The following RERGL variants were observed in gnomAD, a reference collection of about 807,000 sequenced individuals.
RERGL encodes RERG like, also known as ras-related and estrogen-regulated growth inhibitor-like protein.
In RERGL, 22 loss-of-function variants were observed where a neutral mutation model predicts 24.7. The ratio of observed to expected loss-of-function variants is 0.89; its 90% CI spans 0.64 to 1.27. The LOEUF (loss-of-function observed/expected upper bound fraction) is 1.27, where lower values mean the gene tolerates loss of function less well. Among genes scored for constraint, RERGL ranks in the 50% most tolerant of loss-of-function variants. The pLI is 0.00. For missense variants in RERGL, 259 were observed against 235.3 expected (o/e 1.10, Z -0.66); for synonymous variants, 76 against 82.6 (o/e 0.92, Z 0.43).
chr12:18,089,230 T>C (rs1177578799), intron 1 of RERGL: 1 of 1,607,572 alleles, frequency 6.2e-7, no homozygotes, highest in Non-Finnish European at 8.5e-7. Context: ...GCCACTTACC[T>C]TTTGTAACAG....
intron 1 of RERGL, among the ~76,000 whole-genome samples, chr12:18,089,549 AC>A (rs1459396643): frequency 3.3e-5 from 5 of 152,152 alleles, no homozygotes; most frequent in Non-Finnish European, 7.4e-5. Context: ...ACACAGCAAA[AC>A]AAAAGCATGA....
At chr12:18,086,567 A>T (rs1157315730) in intron 2 of RERGL, among the ~76,000 whole-genome samples, 1 of 152,144 alleles carries the variant, frequency 6.6e-6, no homozygotes, top group Non-Finnish European at 1.5e-5. Flanking sequence ...TCAAGGCAAC[A>T]CTGTCTCCAG....
rs762163321 is a variant in RERGL at position 18,084,569 on chromosome 12, C to T, written c.280G>A (p.Ala94Thr). The T allele has an allele frequency of 6.2e-7, 1 of 1,612,190 alleles. No homozygotes were observed. The highest frequency in any genetic ancestry group is 1.7e-5 in the Admixed American group (1 of 59,688). The change falls in exon 4 of 5, where the codon GCA (alanine) becomes ACA (threonine). Residue 94 changes from alanine to threonine, a missense_variant. Transcript: ENST00000538724. ...CGGATTCTGTAGATCAGCGCTTTTGCAAAAGCAAATGAAGACCTATCACTG... is the reference window on the plus strand; with the variant it reads ...CGGATTCTGTAGATCAGCGCTTTTGTAAAAGCAAATGAAGACCTATCACTG... ...DISDRSSFAF[A>T]KALIYRIREP... is the part of the protein sequence containing the mutation.
Position 18,081,133 on chromosome 12 carries a change from T to C in RERGL, c.*58A>G. The C allele has an allele frequency of 1.4e-6, 2 of 1,476,496 alleles. No homozygotes were observed. The highest frequency in any genetic ancestry group is 1.8e-6 in the Non-Finnish European group (2 of 1,096,940). The allele number at this position is 1,476,496 out of a possible 1,614,324, so 91.5% of individuals were successfully genotyped here. On this transcript the variant is annotated 3_prime_UTR_variant, in exon 5 of 5. Coordinates refer to ENST00000538724, the MANE Select transcript of RERGL (RefSeq NM_001286201.2). ...AATTGCATACAAAGGTTAGTTTAAT[T>C]ATCATGTGAATGTTTGAAACTCTCT...
chr12:18,088,361 C>G (rs887898177), intron 2 of RERGL, among the ~76,000 whole-genome samples: 5 of 151,746 alleles, frequency 3.3e-5, no homozygotes, highest in Non-Finnish European at 7.4e-5. Context: ...TAGAAGAGTT[C>G]GAGAAATAAT....
chr12:18,089,018 T>C lies in RERGL; in HGVS notation c.53-62A>G, dbSNP rs1427966044. ...TTTTAGGAAACAGCTAATTTGGTTATGTGCATAAGGCTTTAGTTCTTAAAC... is the reference window on the plus strand; with the variant it reads ...TTTTAGGAAACAGCTAATTTGGTTACGTGCATAAGGCTTTAGTTCTTAAAC... On this transcript the variant is annotated intron_variant, in intron 1 of 4. Coordinates refer to ENST00000538724, the MANE Select transcript of RERGL (RefSeq NM_001286201.2). 2.2e-6 allele frequency: 3 copies of C among 1,376,132 alleles called. No homozygotes were observed. In the African/African-American group the frequency reaches 4.3e-5, roughly 20 times the overall value. 85.2% of individuals were successfully genotyped at this position (1,376,132 alleles called of 1,614,324 possible). A position where few individuals can be genotyped will look rare whatever the true frequency, so the allele number is the denominator to read the frequency against.
Position 18,088,926 on chromosome 12 carries a change from A to T in RERGL, c.83T>A (p.Phe28Tyr). 6.2e-7 allele frequency: 1 copy of T among 1,610,050 alleles called. No individual in the cohort carries two copies. Among genetic ancestry groups the T allele is most frequent in the Non-Finnish European group, 8.5e-7 (1 of 1,176,566 alleles). ...ALTVRFLTKRFIGEYASNFES... is the reference protein window; with the variant it reads ...ALTVRFLTKRYIGEYASNFES... The stretch of plus-strand genomic sequence containing the variant: ...AAAATTAGAAGCATATTCTCCAATG[A>T]ATCGCTTAGTAAGAAACCTCACTGT... The change falls in exon 2 of 5, where the codon TTC becomes TAC. Residue 28 changes from phenylalanine to tyrosine, a missense_variant. By Grantham distance (22) the Phe-to-Tyr change is conservative (BLOSUM62 3). Coordinates refer to ENST00000538724, the MANE Select transcript of RERGL (RefSeq NM_001286201.2).
At chr12:18,087,974 A>G (rs1257555136) in intron 2 of RERGL, among the ~76,000 whole-genome samples, 1 of 152,170 alleles carries the variant, frequency 6.6e-6, no homozygotes, top group Non-Finnish European at 1.5e-5. Flanking sequence ...GGAAAAACAC[A>G]ATGTAATATA....
intron 4 of RERGL, among the ~76,000 whole-genome samples, chr12:18,082,372 T>A (rs761083561): frequency 2.2e-4 from 33 of 152,056 alleles, no homozygotes; most frequent in Non-Finnish European, 4.0e-4. Context: ...CAGGAAAAAT[T>A]AACTAACGGG....
intron 1 of RERGL, among the ~76,000 whole-genome samples, chr12:18,089,821 A>C (rs1364152645): frequency 2.0e-5 from 3 of 152,066 alleles, no homozygotes; most frequent in African/African-American, 7.2e-5. Flanking sequence ...TGAATTGTAA[A>C]CATCAGTAGA....
intron 3 of RERGL, among the ~76,000 whole-genome samples, 176 bp downstream of exon 3, chr12:18,085,444 T>C (rs991666231): frequency 5.9e-5 from 9 of 152,176 alleles, no homozygotes; most frequent in African/African-American, 1.7e-4. Context: ...ATGATGGAAC[T>C]GACAACACTA....
chr12:18,081,361 A>T lies in RERGL; in HGVS notation c.445T>A (p.Cys149Ser). 1.2e-6 allele frequency: 2 copies of T among 1,614,172 alleles called. No individual in the cohort carries two copies. Among genetic ancestry groups the T allele is most frequent in the Non-Finnish European group, 1.7e-6 (2 of 1,180,014 alleles). The stretch of plus-strand genomic sequence containing the variant: ...GACTGCTCTGCTGCAGACAGTTCAC[A>T]GAATTGGCATCGGTTTTCCAGTGCC... ...KLALENRCQF[C>S]ELSAAEQSLE... Residue 149 changes from cysteine to serine, a missense_variant, in exon 5 of 5, where the codon TGT (cysteine) becomes AGT (serine). Transcript: ENST00000538724.
At chr12:18,087,340 A>G (rs1427489616) in intron 2 of RERGL, among the ~76,000 whole-genome samples, 1 of 152,212 alleles carries the variant, frequency 6.6e-6, no homozygotes, top group East Asian at 1.9e-4. Context: ...GAAATTTGTT[A>G]CAGTTTCTTG....
chr12:18,085,737 A>G (rs1352509366), intron 2 of RERGL, 44 bp from the exon 3 acceptor site: 2 of 1,068,192 alleles, frequency 1.9e-6, no homozygotes, highest in African/African-American at 1.6e-5. Flanking sequence ...AAATACTCCA[A>G]ACGTGAACTG....
In RERGL at chr12:18,081,540, A is replaced by C. The variant is rs551827532; in HGVS notation, c.333-67T>G. On this transcript the variant is annotated intron_variant, in intron 4 of 4. Transcript: ENST00000538724. ...AACTCTTTTTTTTAAAAAAAAAAAAAAAACAGATTTATAACCAAAGGATTA... is the reference window on the plus strand; with the variant it reads ...AACTCTTTTTTTTAAAAAAAAAAAACAAACAGATTTATAACCAAAGGATTA... 77 of 1,345,518 alleles carry C rather than the reference A, an allele frequency of 5.7e-5. 1 individual carries two copies. Among genetic ancestry groups the C allele is most frequent in the East Asian group, 3.5e-4 (14 of 40,438 alleles). The allele number at this position is 1,345,518 out of a possible 1,614,324, so 83.3% of individuals were successfully genotyped here.
At chr12:18,084,722 CTTTAA>C (rs1947203998) in intron 3 of RERGL, 57 bp from the exon 4 acceptor site, 1 of 1,483,850 alleles carries the variant, frequency 6.7e-7, no homozygotes. Context: ...TGTTTTTATA[CTTTAA>C]ACAGTTAACT....
Position 18,088,990 on chromosome 12 carries a change from A to C in RERGL, c.53-34T>G, listed in dbSNP as rs781266063. 11 of 1,540,076 alleles carry C rather than the reference A, an allele frequency of 7.1e-6. 1 individual carries two copies. The highest frequency in any genetic ancestry group is 1.7e-4 in the Middle Eastern group (1 of 5,894). On this transcript the variant is annotated intron_variant, in intron 1 of 4. Coordinates refer to ENST00000538724, the MANE Select transcript of RERGL (RefSeq NM_001286201.2). ...CAAACAATCTAGATTTAGGGCTGTT[A>C]TATTTTAGGAAACAGCTAATTTGGT...
chr12:18,089,942 G>A (rs1947254502), intron 1 of RERGL, 147 bp downstream of exon 1: 2 of 519,240 alleles, frequency 3.9e-6, no homozygotes, highest in East Asian at 3.3e-5. Context: ...GAAAGATAAT[G>A]TGCCTATCAT....
rs1555117701 is a variant in RERGL at position 18,081,271 on chromosome 12, C to A, written c.535G>T (p.Glu179Ter). 1.2e-6 allele frequency: 2 copies of A among 1,613,358 alleles called. No homozygotes were observed. The highest frequency in any genetic ancestry group is 1.7e-6 in the Non-Finnish European group (2 of 1,179,810). Residue 179 changes from glutamate (E) to a stop codon, truncating the protein, a stop_gained, in exon 5 of 5, where the codon GAA becomes TAA. Transcript: ENST00000538724. LOFTEE classifies it high-confidence loss of function. The part of the protein sequence containing the change: ...KDILINFKLK[E>*]KRRPSGSKSM... The stretch of plus-strand genomic sequence containing the variant: ...TTAGATCCACTGGGACGTCTCTTTT[C>A]TTTGAGTTTGAAGTTTATCAGGATG...
Sources: gnomAD v4.1 joint callset for allele counts (sites outside exome capture counted in the v4.1 genomes callset) on GRCh38, gnomAD v4.1.1 for gene constraint, MANE v1.5 for transcripts, NCBI Gene and HGNC (gene_info 2026-07-23, HGNC 2026-07-21) for gene names.